ROBO2: variants seen among roughly 807,000 people sequenced by gnomAD.
ROBO2 encodes the protein roundabout guidance receptor 2.
ROBO2 carries 53 observed loss-of-function variants against 160.8 expected under a neutral mutation model. The observed-to-expected ratio is 0.33, with a 90% CI of 0.26 to 0.41. The LOEUF is 0.41. ROBO2 is among the 10% of genes least tolerant of loss of function. ROBO2 has a pLI of 1.00. For synonymous variants in ROBO2, 664 were observed against 611.7 expected (o/e 1.09, Z -1.26); for missense variants, 1,577 against 1,722.4 (o/e 0.92, Z 1.49).
intron 2 of ROBO2, among the ~76,000 whole-genome samples, chr3:76,258,003 T>C (rs1706511863): frequency 6.6e-6 from 1 of 152,104 alleles, no homozygotes; most frequent in Admixed American, 6.6e-5. Context: ...TTTTGGAAAG[T>C]CATATTTTCT....
intron 2 of ROBO2, among the ~76,000 whole-genome samples, chr3:77,375,889 A>T (rs1215396509): frequency 2.6e-5 from 4 of 152,128 alleles, no homozygotes; most frequent in Non-Finnish European, 5.9e-5. Context: ...TTAAGAGTGA[A>T]ATTACCGATG....
intron 2 of ROBO2, among the ~76,000 whole-genome samples, chr3:76,218,614 AG>A (rs1474808632): frequency 7.2e-5 from 11 of 152,206 alleles, no homozygotes; most frequent in African/African-American, 2.4e-4. Flanking sequence ...AAGGGATGTG[AG>A]GGACCTCTTC....
chr3:77,279,249 T>A (rs1041735712), intron 2 of ROBO2, among the ~76,000 whole-genome samples: 1 of 152,130 alleles, frequency 6.6e-6, no homozygotes, highest in Non-Finnish European at 1.5e-5. Flanking sequence ...TAATTGCCCA[T>A]GACCATAAAT....
chr3:76,397,171 A>G (rs572819201), intron 2 of ROBO2, among the ~76,000 whole-genome samples: 9 of 152,200 alleles, frequency 5.9e-5, no homozygotes, highest in East Asian at 3.9e-4. Context: ...GTAACGCCCC[A>G]TATCTACAAC....
At chr3:76,729,505 A>C (rs938719250) in intron 2 of ROBO2, among the ~76,000 whole-genome samples, 3 of 152,188 alleles carry the variant, frequency 2.0e-5, no homozygotes, top group Admixed American at 1.3e-4. Flanking sequence ...TGAAAAAATA[A>C]AACAATGAAA....
At chr3:76,955,941 AT>A (rs2079224585) in intron 2 of ROBO2, among the ~76,000 whole-genome samples, 1 of 151,918 alleles carries the variant, frequency 6.6e-6, no homozygotes, top group Non-Finnish European at 1.5e-5. Context: ...TCTTAAATAC[AT>A]TTTAAAATGT....
chr3:76,719,545 T>C (rs926660841), intron 2 of ROBO2, among the ~76,000 whole-genome samples: 2 of 152,172 alleles, frequency 1.3e-5, no homozygotes, highest in Admixed American at 1.3e-4. Flanking sequence ...GAAATACATA[T>C]CATTAATTCG....
At chr3:76,313,216 TG>T (rs2071723898) in intron 2 of ROBO2, among the ~76,000 whole-genome samples, 1 of 152,244 alleles carries the variant, frequency 6.6e-6, no homozygotes, top group African/African-American at 2.4e-5. Flanking sequence ...TGCCTCTGTT[TG>T]TTACTGTATA....
intron 2 of ROBO2, among the ~76,000 whole-genome samples, chr3:77,209,171 C>A (rs1179664589): frequency 6.6e-6 from 1 of 152,000 alleles, no homozygotes; most frequent in Non-Finnish European, 1.5e-5. Context: ...TTTCACACAG[C>A]CAATATAAAC....
intron 2 of ROBO2, among the ~76,000 whole-genome samples, chr3:76,650,017 T>C (rs1578878988): frequency 6.6e-6 from 1 of 152,144 alleles, no homozygotes; most frequent in East Asian, 1.9e-4. Flanking sequence ...ATCTTGTATT[T>C]AATCTAACAT....
intron 2 of ROBO2, among the ~76,000 whole-genome samples, chr3:76,392,926 A>T (rs1020587298): frequency 2.6e-5 from 4 of 152,090 alleles, no homozygotes; most frequent in African/African-American, 4.8e-5. Flanking sequence ...GAATAATTAC[A>T]CTTTTGGGTT....
intron 2 of ROBO2, among the ~76,000 whole-genome samples, chr3:77,433,225 T>C (rs1012655538): frequency 1.3e-5 from 2 of 151,860 alleles, no homozygotes; most frequent in Non-Finnish European, 2.9e-5. Context: ...TAGAGCAAGA[T>C]AAACAGAAAT....
intron 2 of ROBO2, among the ~76,000 whole-genome samples, chr3:77,365,377 C>T (rs150301663): frequency 6.6e-6 from 1 of 152,166 alleles, no homozygotes; most frequent in East Asian, 1.9e-4. Flanking sequence ...AGGGGAGTTA[C>T]TGACAGCTAT....
intron 2 of ROBO2, among the ~76,000 whole-genome samples, chr3:76,875,574 A>G (rs917059892): frequency 6.6e-6 from 1 of 152,134 alleles, no homozygotes; most frequent in African/African-American, 2.4e-5. Context: ...TCCAGCCTCC[A>G]GAGGTCACCT....
chr3:76,335,823 G>T (rs1003077177), intron 2 of ROBO2, among the ~76,000 whole-genome samples: 11 of 151,944 alleles, frequency 7.2e-5, no homozygotes, highest in Non-Finnish European at 1.2e-4. Context: ...TGATCCGCCC[G>T]CCTCGTCCTC....
intron 2 of ROBO2, among the ~76,000 whole-genome samples, chr3:76,829,657 T>C (rs1259520464): frequency 6.7e-6 from 1 of 150,198 alleles, no homozygotes; most frequent in Non-Finnish European, 1.5e-5. Context: ...TTCCTTTTCT[T>C]TCTTTTTTTT....
At chr3:75,906,886 A>C (rs1246428047) in exon 1 of ROBO2, 1 of 152,288 alleles carries the variant, frequency 6.6e-6, no homozygotes, top group Non-Finnish European at 1.5e-5. Flanking sequence ...CGTTATTCAC[A>C]CGGACGCTGC....
Position 76,130,309 on chromosome 3 carries a change from G to A in ROBO2, c.109+192707G>A, listed in dbSNP as rs1272700345. 3.3e-5 allele frequency among the ~76,000 whole-genome samples: 5 copies of A among 152,042 alleles called. No individual in the cohort carries two copies. In the South Asian group the frequency reaches 6.2e-4, roughly 19 times the overall value. ...TGGGATATTTTTTGCAGCTTTATTT[G>A]TAATGGTAAAACAATACAATGCTTT... On this transcript the variant is annotated intron_variant, in intron 2 of 26. Transcript: ENST00000487694.
chr3:76,106,036 T>A (rs2069913584), intron 2 of ROBO2, among the ~76,000 whole-genome samples: 2 of 152,164 alleles, frequency 1.3e-5, no homozygotes, highest in Admixed American at 1.3e-4. Flanking sequence ...GGTTCAATAT[T>A]CTGTGCCACT....
Sources: gnomAD v4.1 joint callset for allele counts (sites outside exome capture counted in the v4.1 genomes callset) on GRCh38, gnomAD v4.1.1 for gene constraint, MANE v1.5 for transcripts, NCBI Gene and HGNC (gene_info 2026-07-23, HGNC 2026-07-21) for gene names.